Variants in PLEKHA1 observed in about 807,000 individuals in gnomAD.
PLEKHA1 encodes the protein pleckstrin homology domain-containing family A member 1.
A neutral mutation model predicts 52.0 loss-of-function variants in PLEKHA1; 34 were observed. That is an observed-to-expected ratio of 0.65 (90% confidence interval 0.50 to 0.87). The LOEUF is 0.87. Ranked by LOEUF, PLEKHA1 falls within the 40% of genes least tolerant of loss-of-function variation. PLEKHA1 has a pLI of 0.00. For missense variants in PLEKHA1, 497 were observed against 504.2 expected (o/e 0.99, Z 0.14); for synonymous variants, 163 against 170.7 (o/e 0.95, Z 0.35).
At chr10:122,402,593 G>T (rs1020076116) in intron 4 of PLEKHA1, among the ~76,000 whole-genome samples, 2 of 152,158 alleles carry the variant, frequency 1.3e-5, no homozygotes, top group African/African-American at 4.8e-5. Flanking sequence ...CTCTAGATAG[G>T]CTTAGGTATA....
chr10:122,406,412 CTG>C (rs781395113), intron 4 of PLEKHA1, among the ~76,000 whole-genome samples, 162 bp from the exon 5 acceptor site: 39 of 152,160 alleles, frequency 2.6e-4, no homozygotes, highest in Admixed American at 4.6e-4. Flanking sequence ...AGAGTTTTAC[CTG>C]TGTTATTGTG....
intron 4 of PLEKHA1, among the ~76,000 whole-genome samples, chr10:122,403,033 A>G (rs916547236): frequency 6.6e-6 from 1 of 152,198 alleles, no homozygotes; most frequent in Non-Finnish European, 1.5e-5. Flanking sequence ...CCCTACGACA[A>G]TGCAAGAGAG....
In PLEKHA1 at chr10:122,429,800, G is replaced by T. The variant is rs2097400530; in HGVS notation, c.1077G>T (p.Gln359His). ...TCAAGCCAGGGAACTTCAAGGTCCA[G>T]ACTGTCTCTCCAAGAGAACCAGCTT... is the stretch of plus-strand genomic sequence containing the variant. ...AKVKPGNFKV[Q>H]TVSPREPASK... The change falls in exon 12 of 12, where the codon CAG (glutamine) becomes CAT (histidine). Residue 359 changes from glutamine (Q) to histidine (H), a missense_variant. By Grantham distance (24) the Gln-to-His change is conservative (BLOSUM62 0). Coordinates refer to ENST00000368990, the MANE Select transcript of PLEKHA1 (RefSeq NM_001001974.4). The T allele has an allele frequency of 1.9e-6, 3 of 1,614,218 alleles. No individual in the cohort carries two copies. The East Asian group carries it at 6.7e-5, about 36-fold the overall frequency.
intron 7 of PLEKHA1, chr10:122,417,072 CTT>C (rs1441059847): frequency 1.3e-5 from 2 of 152,704 alleles, no homozygotes; most frequent in Non-Finnish European, 2.9e-5. Context: ...TTGTTTTACT[CTT>C]AAGTCCAAAA....
intron 4 of PLEKHA1, among the ~76,000 whole-genome samples, chr10:122,403,920 G>A (rs1024218051): frequency 1.3e-5 from 2 of 152,122 alleles, no homozygotes; most frequent in Non-Finnish European, 2.9e-5. Context: ...TCGAACCCCT[G>A]ACCTCAAGTG....
intron 1 of PLEKHA1, among the ~76,000 whole-genome samples, chr10:122,375,153 C>T (rs1243994762): frequency 6.6e-6 from 1 of 151,806 alleles, no homozygotes; most frequent in Non-Finnish European, 1.5e-5. Context: ...GGGAGGCCCG[C>T]GGCGGTCGCG....
chr10:122,438,256 C>CA, the PLEKHA1 span: 2 of 151,940 alleles, frequency 1.3e-5, no homozygotes, highest in Non-Finnish European at 2.9e-5. Context: ...GTCACTGTCT[C>CA]AAAAAACAAA....
intron 1 of PLEKHA1, among the ~76,000 whole-genome samples, chr10:122,386,088 G>C (rs538623640): frequency 1.8e-3 from 276 of 152,224 alleles, no homozygotes; most frequent in African/African-American, 6.4e-3. Context: ...ATGTCATTTT[G>C]CATTTCCACC....
At chr10:122,388,595 A>T (rs1376458829) in intron 1 of PLEKHA1, among the ~76,000 whole-genome samples, 1 of 152,272 alleles carries the variant, frequency 6.6e-6, no homozygotes, top group African/African-American at 2.4e-5. Flanking sequence ...TTCCCAGTAC[A>T]TATAAAAACT....
In PLEKHA1 at chr10:122,426,937, T is replaced by C. The variant is rs2097347607; in HGVS notation, c.811-5T>C. On this transcript the variant is annotated splice_region_variant and splice_polypyrimidine_tract_variant and intron_variant, in intron 10 of 11. Transcript: ENST00000368990. ...ATTGTTTGAATGAGTTCTTTTTTCC[T>C]TTAGGCTGATAGCCCTGAAGAGATG... 1 of 1,611,848 alleles carries C rather than the reference T, an allele frequency of 6.2e-7. No individual in the cohort carries two copies. Among genetic ancestry groups the C allele is most frequent in the African/African-American group, 1.3e-5 (1 of 74,880 alleles).
At chr10:122,415,454 CCGAATAA>C (rs533145413) in intron 6 of PLEKHA1, among the ~76,000 whole-genome samples, 278 of 152,268 alleles carry the variant, frequency 1.8e-3, no homozygotes, top group African/African-American at 6.4e-3. Flanking sequence ...CTGGTGGAAT[CCGAATAA>C]AGTTTGTGGG....
intron 1 of PLEKHA1, among the ~76,000 whole-genome samples, chr10:122,388,315 G>T (rs1352853622): frequency 1.3e-5 from 2 of 152,096 alleles, no homozygotes; most frequent in Non-Finnish European, 2.9e-5. Flanking sequence ...GGTTTATCTA[G>T]GTAGTAGCAT....
chr10:122,410,152 G>A (rs942942894), intron 5 of PLEKHA1, among the ~76,000 whole-genome samples: 2 of 152,028 alleles, frequency 1.3e-5, no homozygotes, highest in Non-Finnish European at 2.9e-5. Context: ...AACCTGCAGC[G>A]TTTTTATGTA....
chr10:122,374,886 G>GGGGCTGCC (rs1184705293), intron 1 of PLEKHA1, 80 bp downstream of exon 1: 1 of 154,730 alleles, frequency 6.5e-6, no homozygotes, highest in Non-Finnish European at 1.4e-5. Context: ...CGGCGGCTGC[G>GGGGCTGCC]GGGCTGCCGG....
At chr10:122,423,259 A>G (rs2097287650) in intron 8 of PLEKHA1, 2 of 151,604 alleles carry the variant, frequency 1.3e-5, no homozygotes, top group African/African-American at 4.8e-5. Context: ...CCCCATCTCT[A>G]CTAAAAGTAC....
chr10:122,390,218 T>C (rs560447666), intron 1 of PLEKHA1, among the ~76,000 whole-genome samples: 1 of 152,354 alleles, frequency 6.6e-6, no homozygotes, highest in Non-Finnish European at 1.5e-5. Flanking sequence ...AGAAAGCCTT[T>C]CTTTAGGTTA....
intron 9 of PLEKHA1, 152 bp from the exon 10 acceptor site, chr10:122,424,744 C>CAT (rs2097312697): frequency 1.9e-6 from 1 of 517,048 alleles, no homozygotes; most frequent in Non-Finnish European, 3.2e-6. Flanking sequence ...TAAAATCTTA[C>CAT]ATTAAAATAA....
chr10:122,406,176 A>G (rs2097011487), intron 4 of PLEKHA1, among the ~76,000 whole-genome samples: 3 of 152,234 alleles, frequency 2.0e-5, no homozygotes. Flanking sequence ...GGAAATACCT[A>G]TAAAAAGTTT....
At chr10:122,400,841 G>A (rs909875219) in intron 4 of PLEKHA1, among the ~76,000 whole-genome samples, 2 of 152,320 alleles carry the variant, frequency 1.3e-5, no homozygotes, top group East Asian at 3.9e-4. Flanking sequence ...CAGGCACTGT[G>A]CTTGGCACTG....
Sources: gnomAD v4.1 joint callset for allele counts (sites outside exome capture counted in the v4.1 genomes callset) on GRCh38, gnomAD v4.1.1 for gene constraint, MANE v1.5 for transcripts, NCBI Gene and HGNC (gene_info 2026-07-23, HGNC 2026-07-21) for gene names.